The following COQ8A variants were observed in gnomAD, a reference collection of about 807,000 sequenced individuals.
COQ8A encodes the protein atypical kinase COQ8A, mitochondrial.
In COQ8A, 51 loss-of-function variants were observed where a neutral mutation model predicts 65.0. The observed-to-expected ratio is 0.78, with a 90% CI of 0.63 to 0.99. The LOEUF (loss-of-function observed/expected upper bound fraction) is 0.99, where lower values mean the gene tolerates loss of function less well. COQ8A is among the 50% of genes least tolerant of loss of function. The pLI, the probability that COQ8A is intolerant of heterozygous loss-of-function variation, is 0.00. For missense variants in COQ8A, 940 were observed against 875.0 expected (o/e 1.07, Z -0.94); for synonymous variants, 371 against 353.2 (o/e 1.05, Z -0.57).
intron 1 of COQ8A, among the ~76,000 whole-genome samples, chr1:226,951,506 C>G (rs900934619): frequency 2.0e-5 from 3 of 152,136 alleles, no homozygotes; most frequent in African/African-American, 4.8e-5. Context: ...CTGGCTTCAC[C>G]TGGGGGCCTG....
intron 1 of COQ8A, among the ~76,000 whole-genome samples, chr1:226,941,630 C>T (rs1247506591): frequency 6.6e-6 from 1 of 151,852 alleles, no homozygotes; most frequent in Non-Finnish European, 1.5e-5. Flanking sequence ...CGAAAATTAG[C>T]CGGATGTGGT....
At position 226,986,620 on chromosome 1, in the gene COQ8A, G is replaced by A. The variant is rs760526121; in HGVS notation, c.1827G>A (p.Leu609=). Residue 609 remains leucine (L), a synonymous_variant, in exon 15 of 15, where the codon CTG becomes CTA. Transcript: ENST00000366777. ...LVPPPEETYS[L]HRKMGGSFLI... ...CCCCACCCGAGGAAACCTACTCCCT[G>A]CACAGGAAGATGGGGGGCTCCTTCC... 1.6e-5 allele frequency: 26 copies of A among 1,613,856 alleles called. No individual in the cohort carries two copies. Among genetic ancestry groups the A allele is most frequent in the Non-Finnish European group, 2.1e-5 (25 of 1,179,970 alleles).
intron 5 of COQ8A, among the ~76,000 whole-genome samples, chr1:226,978,950 C>A (rs1659526542): frequency 6.6e-6 from 1 of 151,006 alleles, no homozygotes; most frequent in African/African-American, 2.4e-5. Flanking sequence ...ACCCACACAC[C>A]TTACCCTCCA....
At chr1:226,961,693 G>A in intron 2 of COQ8A, 131 bp downstream of exon 2, 1 of 1,127,644 alleles carries the variant, frequency 8.9e-7, no homozygotes. Flanking sequence ...ACCAGCTAAT[G>A]TGTCCCACGG....
intron 8 of COQ8A, 104 bp from the exon 9 acceptor site, chr1:226,983,448 G>A: frequency 5.5e-6 from 6 of 1,082,118 alleles, no homozygotes; most frequent in Non-Finnish European, 8.4e-6. Flanking sequence ...GTGGGCTGGG[G>A]CCAGGACACA....
chr1:226,948,078 C>T (rs142716734), intron 1 of COQ8A, among the ~76,000 whole-genome samples: 29 of 152,270 alleles, frequency 1.9e-4, no homozygotes, highest in African/African-American at 6.5e-4. Context: ...GATAAATTAC[C>T]ACAAAGTTTG....
At chr1:226,958,906 C>A (rs538363505) in intron 1 of COQ8A, among the ~76,000 whole-genome samples, 1 of 152,088 alleles carries the variant, frequency 6.6e-6, no homozygotes, top group Admixed American at 6.5e-5. Context: ...GTGTTCCTAG[C>A]GAGGGCCTGG....
At chr1:226,968,170 TA>T (rs369737946) in intron 4 of COQ8A, among the ~76,000 whole-genome samples, 1 of 151,994 alleles carries the variant, frequency 6.6e-6, no homozygotes, top group Non-Finnish European at 1.5e-5. Context: ...CAATTCCTAC[TA>T]AAAAAATACA....
chr1:226,970,593 A>G (rs1231004891), intron 4 of COQ8A, among the ~76,000 whole-genome samples: 1 of 152,200 alleles, frequency 6.6e-6, no homozygotes, highest in Non-Finnish European at 1.5e-5. Context: ...GTTAGCTCTT[A>G]TGTTTTACAT....
Position 226,982,908 on chromosome 1 carries a change from C to G in COQ8A, c.954C>G (p.Asn318Lys). 1 of 1,612,762 alleles carries G rather than the reference C, an allele frequency of 6.2e-7. No individual in the cohort carries two copies. The highest frequency in any genetic ancestry group is 8.5e-7 in the Non-Finnish European group (1 of 1,179,862). Residue 318 changes from asparagine (N) to lysine (K), a missense_variant, in exon 8 of 15, where the codon AAC becomes AAG. Physicochemically the swap from Asn to Lys is moderately conservative, Grantham distance 94. Transcript: ENST00000366777. ...CTGCCCTTCAGAAAACTCTCAACAACGACCTGGGCCCCAACTGGCGGGACA... is the reference window on the plus strand; with the variant it reads ...CTGCCCTTCAGAAAACTCTCAACAAGGACCTGGGCCCCAACTGGCGGGACA... ...PLKQMMKTLN[N>K]DLGPNWRDKL...
rs573275917 is a variant in COQ8A, at chr1:226,984,594, T to A, written c.1445T>A (p.Phe482Tyr). The A allele has an allele frequency of 1.3e-5, 21 of 1,614,100 alleles. No homozygotes were observed. The African/African-American group carries it at 2.1e-4, about 16-fold the overall frequency. Residue 482 changes from phenylalanine to tyrosine, a missense_variant, in exon 12 of 15, where the codon TTC becomes TAC. Phe to Tyr is a conservative substitution (Grantham distance 22, BLOSUM62 3). Transcript: ENST00000366777. Reference protein sequence around the residue: ...LVLCLRELFEFHFMQTDPNWS... With the variant: ...LVLCLRELFEYHFMQTDPNWS... ...CTGTGCCTGAGGGAGCTGTTCGAGT[T>A]CCACTTCATGCAAACAGACCCCAAC...
chr1:226,960,276 C>CTGGTGGTGCTTGGTGGTGGT (rs1658092727), intron 1 of COQ8A, among the ~76,000 whole-genome samples: 1 of 13,100 alleles, frequency 7.6e-5, no homozygotes, highest in Non-Finnish European at 1.5e-4. Context: ...TACTTGGTGG[C>CTGGTGGTGCTTGGTGGTGGT]GGTGGTACTT....
chr1:226,952,513 T>C (rs575988977), intron 1 of COQ8A, among the ~76,000 whole-genome samples: 27 of 152,148 alleles, frequency 1.8e-4, no homozygotes, highest in Non-Finnish European at 2.9e-4. Flanking sequence ...ATCCCTGGGC[T>C]CAAGCGATCC....
chr1:226,976,599 C>T (rs578159496), intron 4 of COQ8A, among the ~76,000 whole-genome samples: 8 of 152,310 alleles, frequency 5.3e-5, no homozygotes, highest in Admixed American at 2.6e-4. Flanking sequence ...AAGCCAGCTA[C>T]AGCTGGGTAT....
intron 4 of COQ8A, among the ~76,000 whole-genome samples, chr1:226,974,675 A>G (rs1206126635): frequency 6.6e-6 from 1 of 152,192 alleles, no homozygotes; most frequent in East Asian, 1.9e-4. Flanking sequence ...CGTGAGGCCA[A>G]GGTCAGGGTT....
At chr1:226,984,791 C>T (rs964984152) in intron 12 of COQ8A, 85 bp from the exon 13 acceptor site, 1 of 1,511,228 alleles carries the variant, frequency 6.6e-7, no homozygotes, top group African/African-American at 1.4e-5. Context: ...ATCCTCACTG[C>T]CCTCTGTTGC....
At chr1:226,953,085 A>G (rs1558181871) in intron 1 of COQ8A, among the ~76,000 whole-genome samples, 1 of 152,148 alleles carries the variant, frequency 6.6e-6, no homozygotes, top group Non-Finnish European at 1.5e-5. Context: ...GCTGGAGTGC[A>G]GTGGCATGAT....
chr1:226,943,460 C>A (rs1656820249), intron 1 of COQ8A, among the ~76,000 whole-genome samples: 1 of 152,134 alleles, frequency 6.6e-6, no homozygotes, highest in South Asian at 2.1e-4. Flanking sequence ...GTGGGAGCCC[C>A]ACGGAGGTGG....
intron 4 of COQ8A, among the ~76,000 whole-genome samples, chr1:226,975,567 G>A (rs1281478224): frequency 6.6e-6 from 1 of 152,238 alleles, no homozygotes; most frequent in Non-Finnish European, 1.5e-5. Context: ...CATTTTGCAT[G>A]TTTCTTCTTG....
Sources: gnomAD v4.1 joint callset for allele counts (sites outside exome capture counted in the v4.1 genomes callset) on GRCh38, gnomAD v4.1.1 for gene constraint, MANE v1.5 for transcripts, NCBI Gene and HGNC (gene_info 2026-07-23, HGNC 2026-07-21) for gene names.